Variants in CNTN3 observed in about 807,000 individuals in gnomAD.
CNTN3 encodes contactin-3.
A neutral mutation model predicts 119.1 loss-of-function variants in CNTN3; 60 were observed. That is an observed-to-expected ratio of 0.50 (90% confidence interval 0.41 to 0.62). The LOEUF (loss-of-function observed/expected upper bound fraction) is 0.62, where lower values mean the gene tolerates loss of function less well. Among genes scored for constraint, CNTN3 ranks in the 20% least tolerant of loss-of-function variants. The probability of loss-of-function intolerance (pLI) is 0.00; values close to 1 mark genes in which losing one functional copy is unlikely to be tolerated. For missense variants in CNTN3, 1,101 were observed against 1,242.4 expected (o/e 0.89, Z 1.71); for synonymous variants, 450 against 438.7 (o/e 1.03, Z -0.32).
At chr3:74,374,010 G>A (rs897733349) in intron 5 of CNTN3, among the ~76,000 whole-genome samples, 6 of 152,098 alleles carry the variant, frequency 3.9e-5, no homozygotes, top group African/African-American at 1.4e-4. Context: ...TACCCCAGGA[G>A]CACTGTGGCC....
chr3:74,294,497 T>C (rs1702296194), intron 19 of CNTN3, among the ~76,000 whole-genome samples: 1 of 152,244 alleles, frequency 6.6e-6, no homozygotes, highest in Admixed American at 6.5e-5. Context: ...CACCTTTACT[T>C]ACTTTGCCTT....
intron 1 of CNTN3, among the ~76,000 whole-genome samples, chr3:74,585,363 T>C (rs761384797): frequency 2.6e-5 from 4 of 152,150 alleles, no homozygotes; most frequent in Non-Finnish European, 4.4e-5. Flanking sequence ...AGGATAACTA[T>C]ATATAAGCCC....
At chr3:74,606,144 CCAAAAG>C (rs1704988323) in intron 1 of CNTN3, among the ~76,000 whole-genome samples, 1 of 151,420 alleles carries the variant, frequency 6.6e-6, no homozygotes, top group Admixed American at 6.6e-5. Flanking sequence ...AAAAACACAA[CCAAAAG>C]CAAACAGGAA....
At chr3:74,327,637 C>A (rs1703164187) in intron 13 of CNTN3, among the ~76,000 whole-genome samples, 1 of 152,076 alleles carries the variant, frequency 6.6e-6, no homozygotes, top group Non-Finnish European at 1.5e-5. Flanking sequence ...AAATATTTAT[C>A]TATTTCCTTA....
At chr3:74,456,819 T>G (rs1702278468) in intron 4 of CNTN3, among the ~76,000 whole-genome samples, 1 of 152,142 alleles carries the variant, frequency 6.6e-6, no homozygotes, top group African/African-American at 2.4e-5. Context: ...GCTGCTCATT[T>G]CATGTAGCAC....
chr3:74,415,762 T>G (rs543454153), intron 5 of CNTN3, among the ~76,000 whole-genome samples: 24 of 152,300 alleles, frequency 1.6e-4, no homozygotes, highest in African/African-American at 5.3e-4. Flanking sequence ...CCCTGGTCTC[T>G]TCTTGTTTCT....
chr3:74,522,805 T>C (rs1362452798), intron 1 of CNTN3, among the ~76,000 whole-genome samples: 3 of 151,476 alleles, frequency 2.0e-5, no homozygotes, highest in Non-Finnish European at 2.9e-5. Flanking sequence ...GAAAGAAACA[T>C]ATATGCTAGC....
chr3:74,449,108 G>T (rs148199659), intron 4 of CNTN3, among the ~76,000 whole-genome samples: 21 of 151,924 alleles, frequency 1.4e-4, no homozygotes, highest in African/African-American at 4.6e-4. Flanking sequence ...GCCAACTCAG[G>T]TCTTTACAGA....
intron 5 of CNTN3, among the ~76,000 whole-genome samples, chr3:74,399,420 T>C (rs1395698834): frequency 1.3e-5 from 2 of 152,178 alleles, no homozygotes; most frequent in African/African-American, 2.4e-5. Flanking sequence ...CTGTGCTAGT[T>C]TGCTAAGGAT....
At chr3:74,365,505 A>AAGTG in intron 9 of CNTN3, 61 bp downstream of exon 9, 1 of 1,603,210 alleles carries the variant, frequency 6.2e-7, no homozygotes, top group Non-Finnish European at 8.5e-7. Context: ...GCTAAACACC[A>AAGTG]AGTGAGGAAA....
At chr3:74,481,113 C>T (rs1470729814) in intron 4 of CNTN3, among the ~76,000 whole-genome samples, 2 of 151,522 alleles carry the variant, frequency 1.3e-5, no homozygotes, top group Non-Finnish European at 1.5e-5. Context: ...TTTTTAGACA[C>T]AAATAATTGA....
rs114097167 is a variant in CNTN3 at position 74,489,983 on chromosome 3, C to A, written c.183-3352G>T. On this transcript the variant is annotated intron_variant, in intron 3 of 22. Transcript: ENST00000263665. Reference sequence around the variant, plus strand: ...AAACCCATCTGTCCCCTTTGCTTCTCTTCTGTTCCATTCCCATCAAGCACA... The same window carrying A: ...AAACCCATCTGTCCCCTTTGCTTCTATTCTGTTCCATTCCCATCAAGCACA... Among the ~76,000 whole-genome samples, 381 of 152,262 alleles carry A rather than the reference C, an allele frequency of 2.5e-3. 1 individual carries two copies. The highest frequency in any genetic ancestry group is 8.7e-3 in the African/African-American group (363 of 41,552).
chr3:74,601,993 G>A (rs1032958037), intron 1 of CNTN3, among the ~76,000 whole-genome samples: 23 of 151,924 alleles, frequency 1.5e-4, no homozygotes, highest in Non-Finnish European at 2.8e-4. Context: ...GCCTAGATAA[G>A]CCAACTCCCA....
intron 3 of CNTN3, among the ~76,000 whole-genome samples, chr3:74,491,438 T>C (rs1559630159): frequency 6.6e-6 from 1 of 152,108 alleles, no homozygotes; most frequent in African/African-American, 2.4e-5. Flanking sequence ...AGATGGAAGT[T>C]GCTGCCAGCT....
At chr3:74,308,052 G>A (rs1035647793) in intron 13 of CNTN3, among the ~76,000 whole-genome samples, 4 of 151,952 alleles carry the variant, frequency 2.6e-5, no homozygotes, top group African/African-American at 4.8e-5. Context: ...GAAAACAGTC[G>A]AACCTGTAAG....
chr3:74,321,149 G>T (rs1702978616), intron 13 of CNTN3, among the ~76,000 whole-genome samples: 1 of 152,080 alleles, frequency 6.6e-6, no homozygotes, highest in South Asian at 2.1e-4. Flanking sequence ...GAGGACTGGG[G>T]GCACAAGAAT....
chr3:74,323,034 G>A (rs1262545604), intron 13 of CNTN3, among the ~76,000 whole-genome samples: 1 of 152,162 alleles, frequency 6.6e-6, no homozygotes, highest in Non-Finnish European at 1.5e-5. Flanking sequence ...TTTTTAGGGC[G>A]GTGAAGCTAT....
At position 74,514,367 on chromosome 3, in the gene CNTN3, C is replaced by T. The variant is rs552180277; in HGVS notation, c.55+6691G>A. 7.6e-4 allele frequency among the ~76,000 whole-genome samples: 116 copies of T among 152,208 alleles called. 1 individual carries two copies. In the South Asian group the frequency reaches 0.018, roughly 24 times the overall value. ...CATTTCTAGAAGTCATTTGCCATTT[C>T]ACTGTACATTCTTCAAAGAAATTAA... On this transcript the variant is annotated intron_variant, in intron 2 of 22. Transcript: ENST00000263665.
intron 3 of CNTN3, among the ~76,000 whole-genome samples, chr3:74,499,295 C>T (rs1324229684): frequency 6.6e-6 from 1 of 151,846 alleles, no homozygotes; most frequent in Non-Finnish European, 1.5e-5. Context: ...CAAAAGGTGG[C>T]ACACAGAAGT....
Sources: gnomAD v4.1 joint callset for allele counts (sites outside exome capture counted in the v4.1 genomes callset) on GRCh38, gnomAD v4.1.1 for gene constraint, MANE v1.5 for transcripts, NCBI Gene and HGNC (gene_info 2026-07-23, HGNC 2026-07-21) for gene names.